SMOC2: variants seen among roughly 807,000 people sequenced by gnomAD.
SMOC2 encodes the protein SPARC related modular calcium binding 2, also known as SPARC-related modular calcium-binding protein 2.
SMOC2 carries 39 observed loss-of-function variants against 61.4 expected under a neutral mutation model. The observed-to-expected ratio is 0.64, with a 90% CI of 0.49 to 0.83. SMOC2 has a LOEUF of 0.83. SMOC2 is among the 40% of genes least tolerant of loss of function. SMOC2 has a pLI of 0.00. For missense variants in SMOC2, 556 were observed against 592.9 expected, an observed-to-expected ratio of 0.94 and a Z score of 0.65; for synonymous variants, 247 against 239.9, an observed-to-expected ratio of 1.03 and a Z score of -0.27.
intron 1 of SMOC2, among the ~76,000 whole-genome samples, chr6:168,458,221 C>G (rs1256161794): frequency 6.6e-6 from 1 of 152,122 alleles, no homozygotes; most frequent in African/African-American, 2.4e-5. Flanking sequence ...AGCAGCCTCT[C>G]TGGGAGGGAG....
chr6:168,446,853 T>C (rs537548376), intron 1 of SMOC2, among the ~76,000 whole-genome samples: 34 of 152,334 alleles, frequency 2.2e-4, no homozygotes, highest in African/African-American at 7.9e-4. Context: ...CTGGCTTAAT[T>C]TAACTAGATT....
intron 4 of SMOC2, among the ~76,000 whole-genome samples, chr6:168,540,563 T>C (rs1454608458): frequency 6.6e-6 from 1 of 152,116 alleles, no homozygotes; most frequent in African/African-American, 2.4e-5. Context: ...GGCACGGAGC[T>C]AGGAGGGAGG....
At chr6:168,661,768 A>G (rs1013594650) in intron 11 of SMOC2, among the ~76,000 whole-genome samples, 21 of 152,252 alleles carry the variant, frequency 1.4e-4, no homozygotes, top group African/African-American at 4.8e-4. Context: ...AAATTGGCTC[A>G]GAATAGATTC....
At chr6:168,595,933 G>A (rs56125371) in intron 7 of SMOC2, among the ~76,000 whole-genome samples, 53,034 of 149,300 alleles carry the variant, frequency 0.36, 10,956 homozygotes, top group Middle Eastern at 0.48. Flanking sequence ...AAAGTATGTC[G>A]TGTCTGGATC....
chr6:168,498,469 A>G (rs1338529251), intron 1 of SMOC2, among the ~76,000 whole-genome samples: 1 of 152,224 alleles, frequency 6.6e-6, no homozygotes, highest in African/African-American at 2.4e-5. Flanking sequence ...TGTCGAGGCT[A>G]TCAGCGAATT....
intron 9 of SMOC2, among the ~76,000 whole-genome samples, chr6:168,648,923 C>A (rs561708211): frequency 1.3e-5 from 2 of 152,214 alleles, no homozygotes; most frequent in African/African-American, 4.8e-5. Flanking sequence ...AACGACTTGG[C>A]TGCTGTCCAC....
intron 9 of SMOC2, among the ~76,000 whole-genome samples, chr6:168,641,848 T>A (rs1333740679): frequency 6.6e-6 from 1 of 152,248 alleles, no homozygotes; most frequent in Non-Finnish European, 1.5e-5. Context: ...GTTATCAGTG[T>A]TAATTCATCA....
chr6:168,581,603 C>A (rs2115159249), intron 7 of SMOC2, among the ~76,000 whole-genome samples: 1 of 152,336 alleles, frequency 6.6e-6, no homozygotes, highest in South Asian at 2.1e-4. Context: ...AGATGAATAT[C>A]AATCATTACC....
chr6:168,574,405 T>A (rs1433369077), intron 7 of SMOC2, among the ~76,000 whole-genome samples: 1 of 152,158 alleles, frequency 6.6e-6, no homozygotes. Flanking sequence ...ACGGCGCAGA[T>A]CCTGTGGGCA....
chr6:168,520,320 G>A (rs940547453), intron 2 of SMOC2, among the ~76,000 whole-genome samples: 4 of 152,176 alleles, frequency 2.6e-5, no homozygotes, highest in African/African-American at 9.7e-5. Context: ...TTCATTTGAT[G>A]CCAAAATCAA....
chr6:168,463,377 G>A (rs759518292), intron 1 of SMOC2, among the ~76,000 whole-genome samples: 4 of 152,334 alleles, frequency 2.6e-5, no homozygotes, highest in South Asian at 4.1e-4. Context: ...CCGTTGCTGC[G>A]TATGTGCTGA....
At chr6:168,450,617 G>A (rs968492744) in intron 1 of SMOC2, among the ~76,000 whole-genome samples, 1 of 152,152 alleles carries the variant, frequency 6.6e-6, no homozygotes, top group Non-Finnish European at 1.5e-5. Flanking sequence ...AGTGCTGGAT[G>A]CATGTAGTAG....
At chr6:168,495,716 G>A (rs1030426860) in intron 1 of SMOC2, among the ~76,000 whole-genome samples, 1 of 152,080 alleles carries the variant, frequency 6.6e-6, no homozygotes, top group East Asian at 1.9e-4. Context: ...GGCGTGACCC[G>A]GGTCACAGGG....
chr6:168,571,221 A>G (rs1372217950), intron 7 of SMOC2, among the ~76,000 whole-genome samples: 6 of 152,248 alleles, frequency 3.9e-5, no homozygotes, highest in Non-Finnish European at 5.9e-5. Flanking sequence ...GGTTTATTGT[A>G]GGAGATATTA....
intron 7 of SMOC2, among the ~76,000 whole-genome samples, chr6:168,597,932 A>G (rs1419423800): frequency 1.3e-5 from 2 of 152,254 alleles, no homozygotes; most frequent in African/African-American, 4.8e-5. Flanking sequence ...TCAGACATAC[A>G]TGTCTAAACA....
At chr6:168,592,701 G>A (rs58396362) in intron 7 of SMOC2, among the ~76,000 whole-genome samples, 2 of 51,968 alleles carry the variant, frequency 3.8e-5, no homozygotes, top group African/African-American at 1.4e-4. Context: ...CTAGAGGATG[G>A]CCGAGCTCCT....
rs180709850 is a variant in SMOC2, at chr6:168,442,719, T to C, written c.84+1265T>C. Among the ~76,000 whole-genome samples, 916 of 152,390 alleles carry C rather than the reference T, an allele frequency of 6.0e-3. 9 individuals are homozygous for C. The highest frequency in any genetic ancestry group is 0.015 in the South Asian group (74 of 4,834). ...ATGTGGGCATCTTTTCTTTTTCTTT[T>C]TCTTTTTCTTCGTCTTCTTTCTTTT... On this transcript the variant is annotated intron_variant, in intron 1 of 12. Coordinates refer to ENST00000356284, the MANE Select transcript of SMOC2 (RefSeq NM_001166412.2).
intron 1 of SMOC2, among the ~76,000 whole-genome samples, 196 bp from the exon 2 acceptor site, chr6:168,509,719 C>G (rs1782960890): frequency 6.6e-6 from 1 of 152,176 alleles, no homozygotes; most frequent in Admixed American, 6.5e-5. Context: ...TCCAAATTAT[C>G]TAGGCTTTTG....
rs1784888877 is a variant in SMOC2 at position 168,580,075 on chromosome 6, C to CTTTGTCACGGCTTAAGACGTT, written c.638-18723_638-18722insTTTTGTCACGGCTTAAGACGT. Among the ~76,000 whole-genome samples the CTTTGTCACGGCTTAAGACGTT allele has an allele frequency of 2.9e-5, 4 of 140,182 alleles. No homozygotes were observed. The South Asian group carries it at 9.2e-4, about 32-fold the overall frequency. The allele number at this position is 140,182 out of a possible 152,430, so 92.0% of individuals were successfully genotyped here. A position where few individuals can be genotyped will look rare whatever the true frequency, so the allele number is the denominator to read the frequency against. On this transcript the variant is annotated intron_variant, in intron 7 of 12. Coordinates refer to ENST00000356284, the MANE Select transcript of SMOC2 (RefSeq NM_001166412.2). The stretch of plus-strand genomic sequence containing the variant: ...TGAGATGCGTTCCGAGATGGTCTGT[C>CTTTGTCACGGCTTAAGACGTT]TTTGTCACGGCTTAAGACGTAGTTT...
Sources: gnomAD v4.1 joint callset for allele counts (sites outside exome capture counted in the v4.1 genomes callset) on GRCh38, gnomAD v4.1.1 for gene constraint, MANE v1.5 for transcripts, NCBI Gene and HGNC (gene_info 2026-07-23, HGNC 2026-07-21) for gene names.